TMEM132D: variants seen among roughly 807,000 people sequenced by gnomAD.
The protein encoded by TMEM132D is mature OL transmembrane protein.
A neutral mutation model predicts 62.3 loss-of-function variants in TMEM132D; 21 were observed. The observed-to-expected ratio is 0.34, with a 90% CI of 0.24 to 0.49. The LOEUF (loss-of-function observed/expected upper bound fraction) is 0.49, where lower values mean the gene tolerates loss of function less well. Ranked by LOEUF, TMEM132D falls within the 20% of genes least tolerant of loss-of-function variation. The pLI is 0.99. For synonymous variants in TMEM132D, 621 were observed against 575.6 expected (o/e 1.08, Z -1.13); for missense variants, 1,346 against 1,402.8 (o/e 0.96, Z 0.65).
At chr12:129,335,034 G>A (rs1869228461) in intron 4 of TMEM132D, among the ~76,000 whole-genome samples, 1 of 151,268 alleles carries the variant, frequency 6.6e-6, no homozygotes, top group African/African-American at 2.4e-5. Flanking sequence ...TATTGCCAGA[G>A]TATTGCATAT....
chr12:129,178,626 A>G (rs1441076285), intron 5 of TMEM132D, among the ~76,000 whole-genome samples: 1 of 152,194 alleles, frequency 6.6e-6, no homozygotes. Context: ...TCTTAGGGTG[A>G]TATTTGGGCA....
In TMEM132D at chr12:129,811,511, T is replaced by G. The variant is rs545112424; in HGVS notation, c.79+91750A>C. On this transcript the variant is annotated intron_variant, in intron 1 of 8. Coordinates refer to ENST00000422113, the MANE Select transcript of TMEM132D (RefSeq NM_133448.3). ...CAGTTCCTTCACCCCATCTTTATCA[T>G]TTGGGGATGCAGAATTGGGACTCCA... 2.6e-5 allele frequency among the ~76,000 whole-genome samples: 4 copies of G among 151,828 alleles called. No individual in the cohort carries two copies. In the South Asian group the frequency reaches 8.5e-4, roughly 32 times the overall value.
chr12:129,511,666 C>T (rs570127621), intron 3 of TMEM132D, among the ~76,000 whole-genome samples: 1 of 152,124 alleles, frequency 6.6e-6, no homozygotes. Flanking sequence ...AATATGTTGC[C>T]CATTTTTTAA....
At chr12:129,768,675 G>A (rs1870633930) in intron 1 of TMEM132D, among the ~76,000 whole-genome samples, 1 of 152,112 alleles carries the variant, frequency 6.6e-6, no homozygotes, top group Admixed American at 6.5e-5. Flanking sequence ...GATGGTAGAG[G>A]CGAAACAGGG....
At chr12:129,273,050 G>C (rs1193263829) in intron 4 of TMEM132D, among the ~76,000 whole-genome samples, 2 of 151,770 alleles carry the variant, frequency 1.3e-5, no homozygotes, top group Non-Finnish European at 2.9e-5. Flanking sequence ...ACAAAAATTA[G>C]CTGGGTGTGG....
chr12:129,714,010 C>CA (rs1181878791), intron 1 of TMEM132D, among the ~76,000 whole-genome samples: 1 of 152,208 alleles, frequency 6.6e-6, no homozygotes, highest in Non-Finnish European at 1.5e-5. Flanking sequence ...AGGTGATAGA[C>CA]AAAGTCCACG....
intron 4 of TMEM132D, among the ~76,000 whole-genome samples, chr12:129,217,575 A>G (rs1057031177): frequency 2.0e-5 from 3 of 152,164 alleles, no homozygotes; most frequent in Non-Finnish European, 2.9e-5. Context: ...TCCAACCAGA[A>G]CAGCTCACAG....
intron 2 of TMEM132D, among the ~76,000 whole-genome samples, chr12:129,647,889 T>C (rs116022680): frequency 0.016 from 2,361 of 152,244 alleles, 71 homozygotes; most frequent in African/African-American, 0.054. Context: ...AGATCTGCCC[T>C]AACCGATTTG....
intron 2 of TMEM132D, among the ~76,000 whole-genome samples, chr12:129,695,501 G>T (rs774417589): frequency 2.0e-5 from 3 of 152,222 alleles, no homozygotes; most frequent in Non-Finnish European, 4.4e-5. Context: ...GTAACAACGG[G>T]ATGTACAATC....
chr12:129,238,340 C>T (rs1349818560), intron 4 of TMEM132D, among the ~76,000 whole-genome samples: 1 of 152,202 alleles, frequency 6.6e-6, no homozygotes, highest in Non-Finnish European at 1.5e-5. Flanking sequence ...ATAAAATACA[C>T]ATAATATAAA....
intron 1 of TMEM132D, among the ~76,000 whole-genome samples, chr12:129,710,179 G>T (rs1188773808): frequency 6.6e-6 from 1 of 152,148 alleles, no homozygotes; most frequent in African/African-American, 2.4e-5. Context: ...TAGCAACCAT[G>T]AATAATAGTT....
At chr12:129,184,429 AG>A (rs1245852928) in intron 5 of TMEM132D, among the ~76,000 whole-genome samples, 4 of 152,194 alleles carry the variant, frequency 2.6e-5, no homozygotes, top group African/African-American at 9.6e-5. Flanking sequence ...AAAACAGAAA[AG>A]CACCTGCCTA....
At chr12:129,289,612 T>C (rs1881397892) in intron 4 of TMEM132D, among the ~76,000 whole-genome samples, 1 of 151,418 alleles carries the variant, frequency 6.6e-6, no homozygotes, top group Non-Finnish European at 1.5e-5. Context: ...TAATGTTAAT[T>C]GTGCTTGCTG....
rs149952204 is a variant in TMEM132D, at chr12:129,277,603, A to G, written c.1299+60031T>C. On this transcript the variant is annotated intron_variant, in intron 4 of 8. Transcript: ENST00000422113. The surrounding 1 kb of genome is among the most constrained non-coding windows in gnomAD (Gnocchi z 4.2). ...TTAAAAGTTGTGCTCAGTCATGCAA[A>G]CCAAAGTTGCTCATTTAAAAATTTA... 2.0e-3 allele frequency among the ~76,000 whole-genome samples: 300 copies of G among 152,370 alleles called. 1 individual carries two copies. Among genetic ancestry groups the G allele is most frequent in the African/African-American group, 6.9e-3 (286 of 41,596 alleles).
chr12:129,110,344 C>T (rs1463700554), intron 5 of TMEM132D: 1 of 151,980 alleles, frequency 6.6e-6, no homozygotes, highest in Non-Finnish European at 1.5e-5. Context: ...TGTCTACCCT[C>T]CCTCCCGACC....
At chr12:129,080,709 G>A (rs1424110044) in intron 7 of TMEM132D, among the ~76,000 whole-genome samples, 1 of 152,138 alleles carries the variant, frequency 6.6e-6, no homozygotes, top group Non-Finnish European at 1.5e-5. Context: ...TTTGGGTGAT[G>A]GCTACACTAA....
In TMEM132D at chr12:129,511,871, C is replaced by T. The variant is rs1875506854; in HGVS notation, c.1115+19188G>A. 2.0e-5 allele frequency among the ~76,000 whole-genome samples: 3 copies of T among 152,104 alleles called. No homozygotes were observed. The South Asian group carries it at 6.2e-4, about 32-fold the overall frequency. ...CCAAGAAGGGAGAAGACATTTTATACCTTAATGTTTCAGATGAGGAAAATA... is the reference window on the plus strand; with the variant it reads ...CCAAGAAGGGAGAAGACATTTTATATCTTAATGTTTCAGATGAGGAAAATA... On this transcript the variant is annotated intron_variant, in intron 3 of 8. Transcript: ENST00000422113.
intron 2 of TMEM132D, among the ~76,000 whole-genome samples, chr12:129,544,674 T>C (rs1018348483): frequency 6.6e-6 from 1 of 152,130 alleles, no homozygotes; most frequent in Admixed American, 6.5e-5. Flanking sequence ...TGTTAGCACA[T>C]TTTTAAAGAT....
intron 3 of TMEM132D, among the ~76,000 whole-genome samples, chr12:129,412,264 T>G (rs1566060852): frequency 6.6e-6 from 1 of 152,236 alleles, no homozygotes. Context: ...TTAAATAAAT[T>G]GATTTGTTTA....
Sources: gnomAD v4.1 joint callset for allele counts (sites outside exome capture counted in the v4.1 genomes callset) on GRCh38, gnomAD v4.1.1 for gene constraint, Gnocchi (gnomAD v3.1) non-coding constraint, MANE v1.5 for transcripts, NCBI Gene and HGNC (gene_info 2026-07-23, HGNC 2026-07-21) for gene names.